SLC23A2: variants seen among roughly 807,000 people sequenced by gnomAD.
SLC23A2 encodes Na(+)/L-ascorbic acid transporter 2.
Under a neutral mutation model 73.3 loss-of-function variants are expected in SLC23A2, and 36 were observed. That is an observed-to-expected ratio of 0.49 (90% CI 0.38 to 0.65). The LOEUF is 0.65. Ranked by LOEUF, SLC23A2 falls within the 30% of genes least tolerant of loss-of-function variation. The pLI is 0.00. For missense variants in SLC23A2, 507 were observed against 841.6 expected (o/e 0.60, Z 4.92); for synonymous variants, 343 against 327.3 (o/e 1.05, Z -0.52).
At chr20:4,974,629 A>T (rs2087615328) in intron 1 of SLC23A2, among the ~76,000 whole-genome samples, 3 of 152,130 alleles carry the variant, frequency 2.0e-5, no homozygotes, top group Admixed American at 6.5e-5. Context: ...TTTGTTTTTT[A>T]AGTTTATTTT....
chr20:4,875,428 A>T (rs1326779301), intron 9 of SLC23A2, among the ~76,000 whole-genome samples: 1 of 152,188 alleles, frequency 6.6e-6, no homozygotes, highest in East Asian at 1.9e-4. Flanking sequence ...ACAAAGCCAG[A>T]GGTCCAAGAT....
intron 4 of SLC23A2, among the ~76,000 whole-genome samples, chr20:4,908,770 AT>A (rs1176290228): frequency 6.6e-6 from 1 of 152,184 alleles, no homozygotes; most frequent in Admixed American, 6.5e-5. Context: ...TCTACTAAAA[AT>A]AGAAAAATTA....
intron 1 of SLC23A2, among the ~76,000 whole-genome samples, chr20:5,008,686 C>T (rs2088216849): frequency 6.6e-6 from 1 of 152,094 alleles, no homozygotes; most frequent in African/African-American, 2.4e-5. Context: ...TTCCCTGCCT[C>T]GAGTACTGAA....
At chr20:4,904,398 C>A (rs143123840) in intron 4 of SLC23A2, among the ~76,000 whole-genome samples, 1 of 152,310 alleles carries the variant, frequency 6.6e-6, no homozygotes, top group East Asian at 1.9e-4. Flanking sequence ...GTCTCCTAGA[C>A]CCTGCCTATG....
intron 4 of SLC23A2, among the ~76,000 whole-genome samples, chr20:4,908,514 T>G (rs1932034235): frequency 6.6e-6 from 1 of 152,234 alleles, no homozygotes; most frequent in African/African-American, 2.4e-5. Flanking sequence ...ATGAACATTA[T>G]TTGGACAACT....
chr20:4,989,002 C>T (rs1459132145), intron 1 of SLC23A2, among the ~76,000 whole-genome samples: 2 of 151,640 alleles, frequency 1.3e-5, no homozygotes, highest in Admixed American at 1.3e-4. Context: ...TTTGGGAGGC[C>T]GAGGCGGGTG....
At chr20:4,939,849 T>G (rs2087013903) in intron 2 of SLC23A2, among the ~76,000 whole-genome samples, 2 of 152,104 alleles carry the variant, frequency 1.3e-5, no homozygotes, top group Admixed American at 6.5e-5. Context: ...CGATAAAATA[T>G]TACTGAGGGA....
intron 1 of SLC23A2, among the ~76,000 whole-genome samples, chr20:4,973,788 A>G (rs770044436): frequency 1.3e-5 from 2 of 152,178 alleles, no homozygotes; most frequent in Non-Finnish European, 2.9e-5. Flanking sequence ...CACTTGGGAC[A>G]CACTCATGGC....
intron 15 of SLC23A2, among the ~76,000 whole-genome samples, chr20:4,859,812 T>A (rs1161805865): frequency 3.9e-5 from 6 of 152,226 alleles, no homozygotes; most frequent in Non-Finnish European, 7.3e-5. Flanking sequence ...CTTTTCAGTA[T>A]CCTGGGTTAT....
chr20:4,982,549 A>G lies in SLC23A2; in HGVS notation c.-281-11630T>C, dbSNP rs142276600. Among the ~76,000 whole-genome samples the G allele has an allele frequency of 8.4e-4, 128 of 152,304 alleles. No individual in the cohort carries two copies. The Middle Eastern group carries it at 0.034, about 40-fold the overall frequency. On this transcript the variant is annotated intron_variant, in intron 1 of 16. Coordinates refer to ENST00000338244, the MANE Select transcript of SLC23A2 (RefSeq NM_005116.6). ...CTTATGGAAATACACAGGACCCAGA[A>G]TAGTCAAAACAATCTTGAAAAACAA...
Position 4,867,844 on chromosome 20 carries a change from G to C in SLC23A2, c.1282C>G (p.Leu428Val), listed in dbSNP as rs781465303. ...TTCCCAGTACCAAATATGCCATCAA[G>C]AACACAGGAGAGGCCTTCCACGAAA... ...GIFVEGLSCV[L>V]DGIFGTGNGS... Residue 428 changes from leucine to valine, a missense_variant, in exon 13 of 17, where the codon CTT (leucine) becomes GTT (valine). Leu to Val is a conservative substitution (Grantham distance 32). This residue lies in a region of SLC23A2 where 168 missense variants were observed against 302.3 expected (regional missense o/e 0.56). Transcript: ENST00000338244. The C allele has an allele frequency of 6.2e-7, 1 of 1,610,266 alleles. No individual in the cohort carries two copies. Among genetic ancestry groups the C allele is most frequent in the East Asian group, 2.2e-5 (1 of 44,836 alleles).
intron 4 of SLC23A2, among the ~76,000 whole-genome samples, chr20:4,906,334 C>CA (rs1380734066): frequency 4.7e-5 from 7 of 149,904 alleles, no homozygotes; most frequent in East Asian, 2.0e-4. Context: ...GATCTTGTCT[C>CA]AAAAAAAACA....
chr20:4,927,323 A>C (rs1268400395), intron 3 of SLC23A2, among the ~76,000 whole-genome samples: 1 of 152,242 alleles, frequency 6.6e-6, no homozygotes, highest in East Asian at 1.9e-4. Context: ...CAAAGGCCAG[A>C]ATGAAACAAG....
rs79001779 is a variant in SLC23A2, at chr20:4,866,333, C to T, written c.1356+1437G>A. On this transcript the variant is annotated intron_variant, in intron 13 of 16. Coordinates refer to ENST00000338244, the MANE Select transcript of SLC23A2 (RefSeq NM_005116.6). ...TTTTTGAATTGAAGTTGGTAGAACC[C>T]ACAGATACAGAGGGCCGGCTATCTT... Among the ~76,000 whole-genome samples the T allele has an allele frequency of 1.2e-4, 19 of 152,258 alleles. No individual in the cohort carries two copies. The East Asian group carries it at 3.5e-3, about 28-fold the overall frequency.
intron 6 of SLC23A2, among the ~76,000 whole-genome samples, chr20:4,896,959 G>A (rs1029941149): frequency 3.9e-5 from 6 of 152,246 alleles, no homozygotes; most frequent in South Asian, 4.1e-4. Context: ...AGCCCTCCTG[G>A]GCAGAGCCCT....
chr20:4,954,947 A>C (rs1366566831), intron 2 of SLC23A2, among the ~76,000 whole-genome samples: 1 of 152,142 alleles, frequency 6.6e-6, no homozygotes, highest in African/African-American at 2.4e-5. Flanking sequence ...AGTTCTAGCC[A>C]GGACAATAAG....
intron 2 of SLC23A2, among the ~76,000 whole-genome samples, chr20:4,942,205 C>A (rs776944813): frequency 3.9e-5 from 6 of 151,958 alleles, no homozygotes; most frequent in Admixed American, 1.3e-4. Flanking sequence ...TACAGCAGTG[C>A]GGAATAATGT....
At chr20:4,905,697 G>C (rs1931922044) in intron 4 of SLC23A2, among the ~76,000 whole-genome samples, 1 of 152,154 alleles carries the variant, frequency 6.6e-6, no homozygotes, top group Non-Finnish European at 1.5e-5. Context: ...GGGGTCGATT[G>C]TAGTCTCTTT....
chr20:4,945,337 G>T (rs1036491344), intron 2 of SLC23A2, among the ~76,000 whole-genome samples: 6 of 152,168 alleles, frequency 3.9e-5, no homozygotes, highest in Non-Finnish European at 7.3e-5. Flanking sequence ...TTGAGACACA[G>T]TCTGGCTCTG....
Sources: gnomAD v4.1 joint callset for allele counts (sites outside exome capture counted in the v4.1 genomes callset) on GRCh38, gnomAD v4.1.1 for gene constraint, gnomAD v4.1.1 regional missense constraint, MANE v1.5 for transcripts, NCBI Gene and HGNC (gene_info 2026-07-23, HGNC 2026-07-21) for gene names.